Variants in BAHCC1 observed in about 807,000 individuals in gnomAD.
BAHCC1 encodes the protein BAH domain and coiled-coil containing 1.
A neutral mutation model predicts 88.2 loss-of-function variants in BAHCC1; 43 were observed. The ratio of observed to expected loss-of-function variants is 0.49; its 90% CI spans 0.38 to 0.63. BAHCC1 has a LOEUF of 0.63. BAHCC1 is among the 20% of genes least tolerant of loss of function. The probability of loss-of-function intolerance (pLI) is 0.00; values close to 1 mark genes in which losing one functional copy is unlikely to be tolerated. For synonymous variants in BAHCC1, 1,510 were observed against 745.5 expected (o/e 2.03, Z -16.71); for missense variants, 3,023 against 1,654.8 (o/e 1.83, Z -14.34).
At chr17:81,427,126 C>T (rs2143414859) in intron 3 of BAHCC1, 147 bp downstream of exon 3, 2 of 397,954 alleles carry the variant, frequency 5.0e-6, no homozygotes, top group African/African-American at 2.1e-5. Flanking sequence ...GTGAGGCTGC[C>T]TCCCTGCCGA....
chr17:81,437,151 C>G (rs781791283), intron 3 of BAHCC1, among the ~76,000 whole-genome samples: 15 of 152,168 alleles, frequency 9.9e-5, no homozygotes, highest in Non-Finnish European at 1.9e-4. Context: ...AGGGTGAGGG[C>G]CCCCCGCCCT....
In BAHCC1 at chr17:81,459,246, C is replaced by T; in HGVS notation, c.5721-7C>T. The stretch of plus-strand genomic sequence containing the variant: ...CCGTGGCACCTCACATTCCCCAATG[C>T]CCCCAGCTATAGCATCGTCATCGAG... On this transcript the variant is annotated splice_polypyrimidine_tract_variant and splice_region_variant and intron_variant, in intron 21 of 27. Coordinates refer to ENST00000675386, the MANE Select transcript of BAHCC1 (RefSeq NM_001377448.1). The T allele has an allele frequency of 1.3e-6, 1 of 778,520 alleles. No homozygotes were observed. Among genetic ancestry groups the T allele is most frequent in the East Asian group, 2.4e-5 (1 of 41,222 alleles). The allele number at this position is 778,520 out of a possible 1,614,324, so 48.2% of individuals were successfully genotyped here.
rs1555658429 is a variant in BAHCC1, at chr17:81,459,136, G to A, written c.5688G>A (p.Ala1896=). 7.8e-6 allele frequency: 6 copies of A among 770,460 alleles called. No individual in the cohort carries two copies. Among genetic ancestry groups the A allele is most frequent in the Middle Eastern group, 2.3e-4 (1 of 4,430 alleles). The allele number at this position is 770,460 out of a possible 1,614,324, so 47.7% of individuals were successfully genotyped here. A position where few individuals can be genotyped will look rare whatever the true frequency, so the allele number is the denominator to read the frequency against. ...CCAAGGAGGATAGCCTGCTGTACGCGGGCAGCGTCAGGACCCTGCAGCCAC... is the reference window on the plus strand; with the variant it reads ...CCAAGGAGGATAGCCTGCTGTACGCAGGCAGCGTCAGGACCCTGCAGCCAC... ...LIPKEDSLLY[A]GSVRTLQPPD... Residue 1896 remains alanine, a synonymous_variant, in exon 21 of 28, where the codon GCG becomes GCA. Coordinates refer to ENST00000675386, the MANE Select transcript of BAHCC1 (RefSeq NM_001377448.1).
chr17:81,456,208 C>T (rs889534318), intron 15 of BAHCC1, 89 bp from the exon 16 acceptor site: 17 of 655,238 alleles, frequency 2.6e-5, no homozygotes, highest in African/African-American at 9.2e-5. Context: ...AGTTCTGAGC[C>T]GGGCATCAAC....
In BAHCC1 at chr17:81,444,454, C is replaced by T. The variant is rs1255259061; in HGVS notation, c.2398C>T (p.Leu800Phe). The change falls in exon 7 of 28, where the codon CTC (leucine) becomes TTC (phenylalanine). Residue 800 changes from leucine to phenylalanine, a missense_variant. Leu to Phe is a conservative substitution (Grantham distance 22, BLOSUM62 0). Coordinates refer to ENST00000675386, the MANE Select transcript of BAHCC1 (RefSeq NM_001377448.1). The stretch of plus-strand genomic sequence containing the variant: ...CTGCCCTGGGGACCTGGCCCCCCAC[C>T]TCATGATGCAGAGCGGCCAGCTGGG... ...SSCPGDLAPH[L>F]MMQSGQLGGD... 2.7e-6 allele frequency: 2 copies of T among 739,288 alleles called. No homozygotes were observed. Among genetic ancestry groups the T allele is most frequent in the Non-Finnish European group, 5.0e-6 (2 of 399,060 alleles). The allele number at this position is 739,288 out of a possible 1,614,324, so 45.8% of individuals were successfully genotyped here. A position where few individuals can be genotyped will look rare whatever the true frequency, so the allele number is the denominator to read the frequency against.
chr17:81,397,152 G>C (rs952218695), intron 1 of BAHCC1: 7 of 152,208 alleles, frequency 4.6e-5, no homozygotes, highest in African/African-American at 1.7e-4. Flanking sequence ...CTCTCCCCGG[G>C]AGGAGAGAAC....
chr17:81,447,094 C>A lies in BAHCC1; in HGVS notation c.3222C>A (p.Asp1074Glu), dbSNP rs372516548. Residue 1074 changes from aspartate to glutamate, a missense_variant, in exon 11 of 28, where the codon GAC becomes GAA. Coordinates refer to ENST00000675386, the MANE Select transcript of BAHCC1 (RefSeq NM_001377448.1). ...MAGLGFSLPS[D>E]VHSSNLEDPE... Reference sequence around the variant, plus strand: ...GCCTGGGCTTCTCCCTACCCTCAGACGTGCACTCTTCTAACCTCGAGGACC... The same window carrying A: ...GCCTGGGCTTCTCCCTACCCTCAGAAGTGCACTCTTCTAACCTCGAGGACC... The A allele has an allele frequency of 1.3e-6, 1 of 779,288 alleles. No individual in the cohort carries two copies. Among genetic ancestry groups the A allele is most frequent in the Non-Finnish European group, 2.4e-6 (1 of 417,944 alleles). 48.3% of individuals were successfully genotyped at this position (779,288 alleles called of 1,614,324 possible).
chr17:81,418,578 T>C (rs893720336), intron 2 of BAHCC1, among the ~76,000 whole-genome samples: 1 of 152,132 alleles, frequency 6.6e-6, no homozygotes, highest in Non-Finnish European at 1.5e-5. Flanking sequence ...CGGTGCCGCT[T>C]CAATGCCACC....
intron 2 of BAHCC1, chr17:81,402,999 A>AT: frequency 6.6e-6 from 1 of 152,350 alleles, no homozygotes; most frequent in East Asian, 1.9e-4. Context: ...TCAGTGTTAG[A>AT]TTTTGTCTCT....
At chr17:81,415,986 C>A (rs553855206) in intron 2 of BAHCC1, among the ~76,000 whole-genome samples, 3 of 150,260 alleles carry the variant, frequency 2.0e-5, no homozygotes, top group African/African-American at 7.3e-5. Context: ...GTGCGTGTGT[C>A]CATGAGGATG....
chr17:81,414,340 T>C (rs1233502171), intron 2 of BAHCC1, among the ~76,000 whole-genome samples: 1 of 152,192 alleles, frequency 6.6e-6, no homozygotes, highest in African/African-American at 2.4e-5. Flanking sequence ...CTCCCAGTGG[T>C]CCGTGAGGCC....
chr17:81,442,585 G>A lies in BAHCC1; in HGVS notation c.1236G>A (p.Glu412=), dbSNP rs951013161. The change falls in exon 5 of 28, where the codon GAG becomes GAA. Residue 412 remains glutamate (E), a synonymous_variant. Coordinates refer to ENST00000675386, the MANE Select transcript of BAHCC1 (RefSeq NM_001377448.1). ...AGGGCCGCCCCTTCCAGGCCGCCGA[G>A]GCCTGTGCCGTGGCAGGGGAGGGCA... ...ADKGRPFQAA[E]ACAVAGEGKD... 2.6e-6 allele frequency: 2 copies of A among 773,442 alleles called. No individual in the cohort carries two copies. Among genetic ancestry groups the A allele is most frequent in the Admixed American group, 3.4e-5 (2 of 58,430 alleles). The allele number at this position is 773,442 out of a possible 1,614,324, so 47.9% of individuals were successfully genotyped here.
At chr17:81,460,242 G>A (rs1555658706) in intron 23 of BAHCC1, 35 bp from the exon 24 acceptor site, 1 of 734,724 alleles carries the variant, frequency 1.4e-6, no homozygotes, top group Admixed American at 1.9e-5. Flanking sequence ...GCCTACTGGG[G>A]GTTCCAGCTG....
In BAHCC1 at chr17:81,452,112, G is replaced by C; in HGVS notation, c.4316+5G>C. On this transcript the variant is annotated splice_donor_5th_base_variant and intron_variant, in intron 13 of 27. Coordinates refer to ENST00000675386, the MANE Select transcript of BAHCC1 (RefSeq NM_001377448.1). ...GCAGCGCAAGCACGACCATGAGTACGCCTGGCGTGGCGGGGGGGCCTGGGA... is the reference window on the plus strand; with the variant it reads ...GCAGCGCAAGCACGACCATGAGTACCCCTGGCGTGGCGGGGGGGCCTGGGA... The C allele has an allele frequency of 1.6e-6, 1 of 620,860 alleles. No individual in the cohort carries two copies. Among genetic ancestry groups the C allele is most frequent in the East Asian group, 2.8e-5 (1 of 35,332 alleles). 38.5% of individuals were successfully genotyped at this position (620,860 alleles called of 1,614,324 possible).
chr17:81,426,653 GT>G, intron 2 of BAHCC1, 146 bp from the exon 3 acceptor site: 1 of 397,882 alleles, frequency 2.5e-6, no homozygotes, highest in Non-Finnish European at 4.4e-6. Flanking sequence ...CCCATCATCG[GT>G]TTCTTGGATA....
At chr17:81,439,914 A>G (rs1289475468) in intron 4 of BAHCC1, among the ~76,000 whole-genome samples, 1 of 151,718 alleles carries the variant, frequency 6.6e-6, no homozygotes, top group Non-Finnish European at 1.5e-5. Flanking sequence ...CCTTCTCCCC[A>G]CCTCATACTC....
chr17:81,455,290 T>G lies in BAHCC1; in HGVS notation c.4469T>G (p.Leu1490Arg). 1.4e-6 allele frequency: 1 copy of G among 717,042 alleles called. No individual in the cohort carries two copies. Among genetic ancestry groups the G allele is most frequent in the South Asian group, 1.5e-5 (1 of 67,626 alleles). The allele number at this position is 717,042 out of a possible 1,614,324, so 44.4% of individuals were successfully genotyped here. A position where few individuals can be genotyped will look rare whatever the true frequency, so the allele number is the denominator to read the frequency against. ...KVKAVRTSLG[L>R]LCAELRGGSG... ...AGGGCGGTGCGGACAAGCCTGGGTC[T>G]GCTGTGTGCGGAGCTGCGAGGAGGC... The change falls in exon 15 of 28, where the codon CTG (leucine) becomes CGG (arginine). Residue 1490 changes from leucine (L) to arginine (R), a missense_variant. Transcript: ENST00000675386.
chr17:81,404,123 C>T (rs966864711), intron 2 of BAHCC1, among the ~76,000 whole-genome samples: 1 of 152,152 alleles, frequency 6.6e-6, no homozygotes, highest in Non-Finnish European at 1.5e-5. Flanking sequence ...TTCAACAGCC[C>T]CCACAGACAG....
intron 2 of BAHCC1, among the ~76,000 whole-genome samples, chr17:81,409,644 G>A (rs992194110): frequency 6.6e-6 from 1 of 152,204 alleles, no homozygotes; most frequent in African/African-American, 2.4e-5. Flanking sequence ...GGACACCTGG[G>A]GAGGGCTGCC....
Sources: gnomAD v4.1 joint callset for allele counts (sites outside exome capture counted in the v4.1 genomes callset) on GRCh38, gnomAD v4.1.1 for gene constraint, MANE v1.5 for transcripts, NCBI Gene and HGNC (gene_info 2026-07-23, HGNC 2026-07-21) for gene names.